The following DCDC1 variants were observed in gnomAD, a reference collection of about 807,000 sequenced individuals.
DCDC1 encodes the protein doublecortin domain containing 1.
DCDC1 carries 200 observed loss-of-function variants against 178.3 expected under a neutral mutation model. That is an observed-to-expected ratio of 1.12 (90% confidence interval 1.00 to 1.26). The LOEUF (loss-of-function observed/expected upper bound fraction) is 1.26, where lower values mean the gene tolerates loss of function less well. Among genes scored for constraint, DCDC1 ranks in the 50% most tolerant of loss-of-function variants. The pLI, the probability that DCDC1 is intolerant of heterozygous loss-of-function variation, is 0.00. For synonymous variants in DCDC1, 690 were observed against 604.8 expected (o/e 1.14, Z -2.07); for missense variants, 1,983 against 1,749.2 (o/e 1.13, Z -2.38).
intron 20 of DCDC1, among the ~76,000 whole-genome samples, chr11:30,988,829 C>A (rs573189059): frequency 6.6e-6 from 1 of 152,306 alleles, no homozygotes; most frequent in South Asian, 2.1e-4. Context: ...ATGGGTTGGA[C>A]AAGCTTGATC....
intron 8 of DCDC1, among the ~76,000 whole-genome samples, chr11:31,256,748 A>C (rs1468622310): frequency 6.6e-6 from 1 of 152,160 alleles, no homozygotes; most frequent in Non-Finnish European, 1.5e-5. Flanking sequence ...ATTGACCTTA[A>C]ATTTTATAAA....
intron 9 of DCDC1, among the ~76,000 whole-genome samples, chr11:31,161,900 G>A (rs1966345309): frequency 6.6e-6 from 1 of 152,048 alleles, no homozygotes; most frequent in South Asian, 2.1e-4. Flanking sequence ...CAATTCATCT[G>A]ATAAATCTTC....
chr11:31,282,225 T>C (rs1946495304), intron 7 of DCDC1, among the ~76,000 whole-genome samples: 1 of 152,000 alleles, frequency 6.6e-6, no homozygotes, highest in South Asian at 2.1e-4. Flanking sequence ...TGAAAAGTTT[T>C]TAATTATAAA....
intron 20 of DCDC1, among the ~76,000 whole-genome samples, chr11:31,053,262 C>A (rs908330122): frequency 6.6e-6 from 1 of 152,088 alleles, no homozygotes; most frequent in African/African-American, 2.4e-5. Context: ...AAAAATACAA[C>A]CCTCCTAGCT....
chr11:31,213,100 C>CT (rs1972851664), intron 9 of DCDC1, among the ~76,000 whole-genome samples: 2 of 44,242 alleles, frequency 4.5e-5, no homozygotes, highest in South Asian at 1.1e-3. Flanking sequence ...TAAAGCCCAG[C>CT]CTCTCTCTCT....
chr11:31,074,509 C>T (rs1003214844), intron 18 of DCDC1, among the ~76,000 whole-genome samples: 5 of 152,062 alleles, frequency 3.3e-5, no homozygotes, highest in African/African-American at 4.8e-5. Context: ...TCCCTTCTAC[C>T]ATGTGAGAAT....
intron 9 of DCDC1, among the ~76,000 whole-genome samples, chr11:31,229,694 T>C (rs778575014): frequency 6.6e-6 from 1 of 152,186 alleles, no homozygotes; most frequent in African/African-American, 2.4e-5. Flanking sequence ...GGCATTTATA[T>C]CTAGAATGAA....
At chr11:31,328,618 GA>G (rs1177085403) in intron 2 of DCDC1, among the ~76,000 whole-genome samples, 1 of 152,056 alleles carries the variant, frequency 6.6e-6, no homozygotes, top group Non-Finnish European at 1.5e-5. Flanking sequence ...CTAACACAGT[GA>G]AACCCCGTCT....
intron 3 of DCDC1, among the ~76,000 whole-genome samples, chr11:31,311,688 C>T (rs1180820078): frequency 6.6e-6 from 1 of 152,052 alleles, no homozygotes; most frequent in Non-Finnish European, 1.5e-5. Context: ...CTCGACAATC[C>T]TAAAGATGCC....
intron 6 of DCDC1, among the ~76,000 whole-genome samples, chr11:31,291,989 C>A (rs558284425): frequency 6.6e-6 from 1 of 152,056 alleles, no homozygotes; most frequent in East Asian, 1.9e-4. Flanking sequence ...TGTTCAACAA[C>A]AACAACAACA....
At chr11:30,921,310 A>G (rs1165467144) in intron 24 of DCDC1, among the ~76,000 whole-genome samples, 1 of 152,172 alleles carries the variant, frequency 6.6e-6, no homozygotes, top group Admixed American at 6.5e-5. Flanking sequence ...GTTTTACTAC[A>G]CGGTGTTCAA....
chr11:31,322,793 ATTC>A (rs1409072763), intron 3 of DCDC1, among the ~76,000 whole-genome samples: 1 of 152,140 alleles, frequency 6.6e-6, no homozygotes, highest in East Asian at 1.9e-4. Flanking sequence ...CTCTCTCTGA[ATTC>A]TTCTTATGTG....
chr11:30,989,097 T>C (rs759337814), intron 20 of DCDC1, among the ~76,000 whole-genome samples: 8 of 152,110 alleles, frequency 5.3e-5, no homozygotes, highest in Non-Finnish European at 8.8e-5. Context: ...AACACAGCCC[T>C]GGCATACGTG....
chr11:31,222,690 G>A (rs1214355977), intron 9 of DCDC1, among the ~76,000 whole-genome samples: 1 of 152,122 alleles, frequency 6.6e-6, no homozygotes, highest in Non-Finnish European at 1.5e-5. Context: ...GAGTCTCTGA[G>A]GGCTCTCTTC....
chr11:30,902,933 C>T (rs370117741), intron 32 of DCDC1, among the ~76,000 whole-genome samples: 27 of 152,280 alleles, frequency 1.8e-4, no homozygotes, highest in African/African-American at 6.3e-4. Context: ...AGATCATTAT[C>T]ATGCAGTGTG....
chr11:30,930,843 G>A (rs1946879734), intron 22 of DCDC1, among the ~76,000 whole-genome samples: 1 of 152,100 alleles, frequency 6.6e-6, no homozygotes. Flanking sequence ...AGCAGAATGA[G>A]CTAATTATGA....
chr11:30,906,761 C>T, intron 29 of DCDC1, 36 bp from the exon 30 acceptor site: 2 of 1,572,060 alleles, frequency 1.3e-6, no homozygotes, highest in Non-Finnish European at 1.7e-6. Context: ...TATATAGGAG[C>T]ATCTAAATTG....
chr11:31,137,242 C>T (rs1242121074), intron 10 of DCDC1, among the ~76,000 whole-genome samples: 1 of 151,586 alleles, frequency 6.6e-6, no homozygotes, highest in African/African-American at 2.4e-5. Flanking sequence ...AAAATGATAC[C>T]CGGTTGTGAT....
intron 9 of DCDC1, among the ~76,000 whole-genome samples, chr11:31,198,213 T>C (rs1970902183): frequency 1.3e-5 from 2 of 152,094 alleles, no homozygotes; most frequent in South Asian, 2.1e-4. Context: ...TTAGTAATCA[T>C]TCACCCTACC....
Sources: allele counts gnomAD v4.1 joint callset (sites outside exome capture counted in the v4.1 genomes callset), GRCh38; gene constraint gnomAD v4.1.1; transcripts MANE v1.5; gene names NCBI Gene and HGNC (gene_info 2026-07-23, HGNC 2026-07-21).